The following KNL1 variants were observed in gnomAD, a reference collection of about 807,000 sequenced individuals.
The protein encoded by KNL1 is kinetochore scaffold 1.
KNL1 carries 66 observed loss-of-function variants against 201.3 expected under a neutral mutation model. That is an observed-to-expected ratio of 0.33 (90% CI 0.27 to 0.40). KNL1 has a LOEUF of 0.40. Among genes scored for constraint, KNL1 ranks in the 10% least tolerant of loss-of-function variants. The pLI is 1.00. For missense variants in KNL1, 2,815 were observed against 2,690.5 expected, an observed-to-expected ratio of 1.05 and a Z score of -1.02; for synonymous variants, 895 against 899.2, an observed-to-expected ratio of 1.00 and a Z score of 0.08.
intron 8 of KNL1, among the ~76,000 whole-genome samples, chr15:40,617,634 C>T (rs1892383251): frequency 6.6e-6 from 1 of 152,166 alleles, no homozygotes; most frequent in Admixed American, 6.6e-5. Flanking sequence ...TTCTGTGCTC[C>T]CATAACACCT....
chr15:40,658,039 G>A (rs1893784939), intron 24 of KNL1, among the ~76,000 whole-genome samples: 1 of 151,098 alleles, frequency 6.6e-6, no homozygotes, highest in Non-Finnish European at 1.5e-5. Flanking sequence ...AGGCCGAGGT[G>A]GGCGAATCAC....
At chr15:40,598,193 AG>A (rs1891677463) in intron 1 of KNL1, among the ~76,000 whole-genome samples, 1 of 151,808 alleles carries the variant, frequency 6.6e-6, no homozygotes, top group Non-Finnish European at 1.5e-5. Context: ...AAAAAGAAAA[AG>A]AAAAAAAAAG....
Position 40,623,952 on chromosome 15 carries a change from A to G in KNL1, c.3688A>G (p.Lys1230Glu), listed in dbSNP as rs759414745. The G allele has an allele frequency of 6.2e-7, 1 of 1,613,584 alleles. No homozygotes were observed. Among genetic ancestry groups the G allele is most frequent in the East Asian group, 2.2e-5 (1 of 44,876 alleles). ...CAAAATAGTTCTTCACACCGAGCAA[A>G]AGCAACAACTCTTTGCTGCTACTAA... is the stretch of plus-strand genomic sequence containing the variant. ...GNKIVLHTEQ[K>E]QQLFAATNRT... Residue 1230 changes from lysine (K) to glutamate (E), a missense_variant, in exon 10 of 26, where the codon AAG becomes GAG. Coordinates refer to ENST00000399668, the MANE Select transcript of KNL1 (RefSeq NM_144508.5).
chr15:40,611,986 C>T (rs1159601633), intron 7 of KNL1, among the ~76,000 whole-genome samples: 2 of 152,112 alleles, frequency 1.3e-5, no homozygotes, highest in South Asian at 4.1e-4. Flanking sequence ...TCGAGACCAG[C>T]CTGGCCAACA....
In KNL1 at chr15:40,652,091, T is replaced by C; in HGVS notation, c.6401T>C (p.Phe2134Ser). 6.2e-7 allele frequency: 1 copy of C among 1,612,072 alleles called. No homozygotes were observed. Among genetic ancestry groups the C allele is most frequent in the South Asian group, 1.1e-5 (1 of 91,014 alleles). The stretch of plus-strand genomic sequence containing the variant: ...GACACGATACAACTCACCATCACCT[T>C]TGAAGAGTCAGTTGGTAAGGAGCCA... ...VYDTIQLTIT[F>S]EESVVGFPFL... The change falls in exon 21 of 26, where the codon TTT (phenylalanine) becomes TCT (serine). Residue 2134 changes from phenylalanine (F) to serine (S), a missense_variant. Around this residue, in one of 3 missense-constraint regions of KNL1, gnomAD observed 334 missense variants for 362.6 expected, o/e 0.92. Transcript: ENST00000399668.
chr15:40,608,888 C>T lies in KNL1; in HGVS notation c.177C>T (p.Val59=), dbSNP rs1199025252. 1.2e-6 allele frequency: 2 copies of T among 1,610,598 alleles called. No homozygotes were observed. Among genetic ancestry groups the T allele is most frequent in the South Asian group, 2.2e-5 (2 of 91,014 alleles). ...GAAATAAGAAAAACTCTCGTCGAGT[C>T]AGCTTTGCAGATACTATAAAGTAAG... ...ALRNKKNSRR[V]SFADTIKVFQ... The change falls in exon 5 of 26, where the codon GTC becomes GTT. Residue 59 remains valine, a synonymous_variant. Coordinates refer to ENST00000399668, the MANE Select transcript of KNL1 (RefSeq NM_144508.5).
At position 40,663,262 on chromosome 15, in the gene KNL1, T is replaced by C. The variant is rs183326413; in HGVS notation, c.*1074T>C. ...TTTTAGTAGAAATGGGGTTTCACGATGTTAGCCAGGATGGTCTCGATCTCC... is the reference window on the plus strand; with the variant it reads ...TTTTAGTAGAAATGGGGTTTCACGACGTTAGCCAGGATGGTCTCGATCTCC... On this transcript the variant is annotated 3_prime_UTR_variant, in exon 26 of 26. Coordinates refer to ENST00000399668, the MANE Select transcript of KNL1 (RefSeq NM_144508.5). 35 of 167,030 alleles carry C rather than the reference T, an allele frequency of 2.1e-4. No homozygotes were observed. In the East Asian group the frequency reaches 3.9e-3, roughly 19 times the overall value. The allele number at this position is 167,030 out of a possible 1,614,324, so 10.3% of individuals were successfully genotyped here. A position where few individuals can be genotyped will look rare whatever the true frequency, so the allele number is the denominator to read the frequency against.
At chr15:40,651,071 C>G (rs1474815268) in intron 19 of KNL1, among the ~76,000 whole-genome samples, 2 of 145,994 alleles carry the variant, frequency 1.4e-5, no homozygotes, top group South Asian at 4.3e-4. Flanking sequence ...AAACCAAATA[C>G]AGGCAAAAAA....
chr15:40,630,976 G>C (rs980768253), intron 13 of KNL1, among the ~76,000 whole-genome samples: 1 of 151,988 alleles, frequency 6.6e-6, no homozygotes, highest in African/African-American at 2.4e-5. Flanking sequence ...AAATTAGCTG[G>C]GCATGGTGGC....
Position 40,621,718 on chromosome 15 carries a change from A to G in KNL1, c.1454A>G (p.Asp485Gly), listed in dbSNP as rs1243093586. Residue 485 changes from aspartate (D) to glycine (G), a missense_variant, in exon 10 of 26, where the codon GAC (aspartate) becomes GGC (glycine). Physicochemically the swap from Asp to Gly is moderately conservative, Grantham distance 94. Around this residue, in one of 3 missense-constraint regions of KNL1, gnomAD observed 2,464 missense variants for 2,291.7 expected, o/e 1.08. Transcript: ENST00000399668. ...KTIYSGEENM[D>G]ITKSHTVAID... ...ATTTATTCCGGAGAGGAGAACATGG[A>G]CATTACCAAGAGTCATACAGTTGCA... is the stretch of plus-strand genomic sequence containing the variant. The G allele has an allele frequency of 1.9e-6, 3 of 1,612,814 alleles. No homozygotes were observed. The highest frequency in any genetic ancestry group is 1.7e-5 in the Admixed American group (1 of 59,956).
chr15:40,644,259 G>A (rs1343737207), intron 14 of KNL1, among the ~76,000 whole-genome samples: 1 of 152,202 alleles, frequency 6.6e-6, no homozygotes, highest in Admixed American at 6.5e-5. Context: ...ATGGTGACTG[G>A]ATGTACACCT....
intron 1 of KNL1, among the ~76,000 whole-genome samples, chr15:40,595,048 G>A (rs1891583723): frequency 6.6e-6 from 1 of 152,222 alleles, no homozygotes; most frequent in South Asian, 2.1e-4. Flanking sequence ...GGAGGAAAAA[G>A]TATTGCCGAT....
Position 40,621,681 on chromosome 15 carries a change from A to G in KNL1, c.1417A>G (p.Thr473Ala). Reference protein sequence around the residue: ...YCNPDAMSSLTEKTIYSGEEN... With the variant: ...YCNPDAMSSLAEKTIYSGEEN... ...CAATCCAGATGCTATGTCTTCTCTC[A>G]CAGAGAAAACTATTTATTCCGGAGA... Residue 473 changes from threonine to alanine, a missense_variant, in exon 10 of 26, where the codon ACA (threonine) becomes GCA (alanine). Physicochemically the swap from Thr to Ala is moderately conservative, Grantham distance 58. Transcript: ENST00000399668. 6.2e-7 allele frequency: 1 copy of G among 1,611,132 alleles called. No homozygotes were observed. The highest frequency in any genetic ancestry group is 8.5e-7 in the Non-Finnish European group (1 of 1,177,542).
At chr15:40,635,126 GCAACCTCCA>G (rs1893018192) in intron 13 of KNL1, among the ~76,000 whole-genome samples, 2 of 150,644 alleles carry the variant, frequency 1.3e-5, no homozygotes, top group Non-Finnish European at 3.0e-5. Context: ...TCGGCTCACT[GCAACCTCCA>G]CCTCCTGGGT....
At chr15:40,658,034 G>A (rs188343199) in intron 24 of KNL1, among the ~76,000 whole-genome samples, 141 of 152,178 alleles carry the variant, frequency 9.3e-4, no homozygotes, top group Non-Finnish European at 1.5e-3. Context: ...TTGGGAGGCC[G>A]AGGTGGGCGA....
At chr15:40,632,212 C>G (rs1027065547) in intron 13 of KNL1, among the ~76,000 whole-genome samples, 1 of 129,806 alleles carries the variant, frequency 7.7e-6, no homozygotes, top group African/African-American at 2.9e-5. Flanking sequence ...ATAGCGAGAC[C>G]CCCCCCCACC....
intron 24 of KNL1, among the ~76,000 whole-genome samples, chr15:40,658,185 G>T (rs1270363794): frequency 6.6e-6 from 1 of 151,942 alleles, no homozygotes; most frequent in African/African-American, 2.4e-5. Context: ...AGAATCACTT[G>T]AACCCAGGAG....
chr15:40,615,155 C>A (rs998745298), intron 7 of KNL1, among the ~76,000 whole-genome samples, 186 bp from the exon 8 acceptor site: 1 of 151,960 alleles, frequency 6.6e-6, no homozygotes, highest in Non-Finnish European at 1.5e-5. Context: ...TTAGATGAGT[C>A]TTTTTTTAAA....
rs1220201293 is a variant in KNL1, at chr15:40,663,284, C to T, written c.*1096C>T. The T allele has an allele frequency of 1.8e-5, 3 of 170,930 alleles. No homozygotes were observed. The highest frequency in any genetic ancestry group is 3.8e-5 in the Non-Finnish European group (3 of 78,918). The allele number at this position is 170,930 out of a possible 1,614,324, so 10.6% of individuals were successfully genotyped here. On this transcript the variant is annotated 3_prime_UTR_variant, in exon 26 of 26. Transcript: ENST00000399668. Reference sequence around the variant, plus strand: ...CGATGTTAGCCAGGATGGTCTCGATCTCCTGACCTCGTGATCCGCCTGCCT... The same window carrying T: ...CGATGTTAGCCAGGATGGTCTCGATTTCCTGACCTCGTGATCCGCCTGCCT...
Sources: gnomAD v4.1 joint callset for allele counts (sites outside exome capture counted in the v4.1 genomes callset) on GRCh38, gnomAD v4.1.1 for gene constraint, gnomAD v4.1.1 regional missense constraint, MANE v1.5 for transcripts, NCBI Gene and HGNC (gene_info 2026-07-23, HGNC 2026-07-21) for gene names.